GABRB1: variants seen among roughly 807,000 people sequenced by gnomAD.
The protein encoded by GABRB1 is gamma-aminobutyric acid receptor subunit beta-1.
A neutral mutation model predicts 51.6 loss-of-function variants in GABRB1; 17 were observed. That is an observed-to-expected ratio of 0.33 (90% confidence interval 0.23 to 0.49). The LOEUF (loss-of-function observed/expected upper bound fraction) is 0.49, where lower values mean the gene tolerates loss of function less well. Ranked by LOEUF, GABRB1 falls within the 20% of genes least tolerant of loss-of-function variation. The pLI is 0.99. For synonymous variants in GABRB1, 247 were observed against 218.9 expected (o/e 1.13, Z -1.14); for missense variants, 410 against 600.6 (o/e 0.68, Z 3.32).
Position 47,032,250 on chromosome 4 carries a change from C to T in GABRB1, c.173-167C>T, listed in dbSNP as rs1330512638. Among the ~76,000 whole-genome samples, 6 of 152,168 alleles carry T rather than the reference C, an allele frequency of 3.9e-5. 1 individual carries two copies. The South Asian group carries it at 6.2e-4, about 16-fold the overall frequency. ...CACCCTCTGCATAGTCACTGCATCA[C>T]GCGTGTGCCCACACCTGTTTTCCCA... On this transcript the variant is annotated intron_variant, in intron 2 of 8. Transcript: ENST00000295454.
intron 4 of GABRB1, among the ~76,000 whole-genome samples, chr4:47,239,879 A>G (rs921212898): frequency 2.6e-5 from 4 of 152,118 alleles, no homozygotes; most frequent in Non-Finnish European, 5.9e-5. Context: ...GGCCTTTCTC[A>G]CTGCTGCCAC....
At chr4:47,229,344 A>T (rs1721059449) in intron 4 of GABRB1, among the ~76,000 whole-genome samples, 1 of 152,176 alleles carries the variant, frequency 6.6e-6, no homozygotes, top group Non-Finnish European at 1.5e-5. Context: ...ACAACGAAAG[A>T]TAATATAGAG....
At chr4:47,289,938 C>T (rs539685317) in intron 4 of GABRB1, among the ~76,000 whole-genome samples, 4 of 152,162 alleles carry the variant, frequency 2.6e-5, no homozygotes, top group African/African-American at 9.6e-5. Flanking sequence ...CTAAGTTGTG[C>T]CAAGAGTAAG....
intron 4 of GABRB1, among the ~76,000 whole-genome samples, chr4:47,246,124 C>A (rs914357416): frequency 1.3e-5 from 2 of 149,486 alleles, no homozygotes; most frequent in African/African-American, 4.9e-5. Flanking sequence ...GCCTTTGCAT[C>A]CTCATAACTT....
At chr4:47,198,365 T>C (rs2109793218) in intron 4 of GABRB1, among the ~76,000 whole-genome samples, 1 of 152,162 alleles carries the variant, frequency 6.6e-6, no homozygotes, top group South Asian at 2.1e-4. Flanking sequence ...AAATGGATAA[T>C]GAATAAAGGG....
intron 3 of GABRB1, among the ~76,000 whole-genome samples, chr4:47,064,753 A>T (rs1409506704): frequency 1.3e-5 from 2 of 152,124 alleles, no homozygotes; most frequent in Non-Finnish European, 2.9e-5. Flanking sequence ...TGCTAGGATG[A>T]CAGCACCATG....
intron 3 of GABRB1, among the ~76,000 whole-genome samples, chr4:47,070,977 C>A (rs543351161): frequency 6.6e-6 from 1 of 152,170 alleles, no homozygotes; most frequent in Admixed American, 6.5e-5. Flanking sequence ...CATATCCAAA[C>A]AAAATCCTTA....
intron 3 of GABRB1, among the ~76,000 whole-genome samples, chr4:47,093,995 C>T (rs1036308923): frequency 6.6e-6 from 1 of 151,666 alleles, no homozygotes; most frequent in African/African-American, 2.4e-5. Context: ...CTTTCATTAG[C>T]CCCTAGTATT....
upstream of GABRB1, among the ~76,000 whole-genome samples, chr4:47,030,637 T>C (rs755442216): frequency 2.0e-5 from 3 of 152,176 alleles, no homozygotes; most frequent in Non-Finnish European, 4.4e-5. Flanking sequence ...CTGCCTAACA[T>C]GTGCTCAATG....
At chr4:47,152,197 T>C (rs1258917298) in intron 3 of GABRB1, among the ~76,000 whole-genome samples, 1 of 151,994 alleles carries the variant, frequency 6.6e-6, no homozygotes, top group Non-Finnish European at 1.5e-5. Flanking sequence ...TTTATAAGGA[T>C]GAACAATTTT....
At chr4:47,063,512 C>T (rs943720089) in intron 3 of GABRB1, among the ~76,000 whole-genome samples, 2 of 152,092 alleles carry the variant, frequency 1.3e-5, no homozygotes, top group African/African-American at 4.8e-5. Flanking sequence ...ATAAATATAT[C>T]CCACTACACA....
chr4:47,276,124 T>G (rs1298736807), intron 4 of GABRB1, among the ~76,000 whole-genome samples: 1 of 152,152 alleles, frequency 6.6e-6, no homozygotes, highest in Non-Finnish European at 1.5e-5. Context: ...TTCATCAAAA[T>G]GTATCACATG....
intron 4 of GABRB1, among the ~76,000 whole-genome samples, chr4:47,244,244 T>C (rs1721653071): frequency 6.6e-6 from 1 of 152,218 alleles, no homozygotes; most frequent in African/African-American, 2.4e-5. Context: ...AACTTGATCG[T>C]GGTGCATAAG....
Position 47,405,383 on chromosome 4 carries a change from C to T in GABRB1, c.836-1299C>T, listed in dbSNP as rs188024355. Among the ~76,000 whole-genome samples the T allele has an allele frequency of 7.9e-5, 12 of 152,228 alleles. No homozygotes were observed. In the East Asian group the frequency reaches 2.1e-3, roughly 27 times the overall value. ...TTTTCCCTTCATTTCATTTTGCTACCTTCCATTCCCTTTGGAAGTTCTCCT... is the reference window on the plus strand; with the variant it reads ...TTTTCCCTTCATTTCATTTTGCTACTTTCCATTCCCTTTGGAAGTTCTCCT... On this transcript the variant is annotated intron_variant, in intron 7 of 8. Coordinates refer to ENST00000295454, the MANE Select transcript of GABRB1 (RefSeq NM_000812.4).
chr4:47,094,990 A>G (rs1017528475), intron 3 of GABRB1, among the ~76,000 whole-genome samples: 1 of 152,102 alleles, frequency 6.6e-6, no homozygotes, highest in Admixed American at 6.6e-5. Flanking sequence ...AAAGAAAACA[A>G]AATGTCAGGC....
At chr4:47,223,998 A>G (rs1184356854) in intron 4 of GABRB1, among the ~76,000 whole-genome samples, 5 of 152,130 alleles carry the variant, frequency 3.3e-5, no homozygotes, top group Non-Finnish European at 7.4e-5. Context: ...TGCTCCACAA[A>G]TAAGTTATTA....
At chr4:47,407,292 T>C (rs1728609779) in intron 8 of GABRB1, among the ~76,000 whole-genome samples, 1 of 152,206 alleles carries the variant, frequency 6.6e-6, no homozygotes, top group African/African-American at 2.4e-5. Context: ...TAGACTGAAA[T>C]CAAACTGCCT....
rs145621439 is a variant in GABRB1 at position 47,015,687 on chromosome 4, G to T, written c.-19-16227G>T. ...ACAATTGCTTACCATAATTTGTAAAGATTATTAATATGTTATACAAGCAAC... is the reference window on the plus strand; with the variant it reads ...ACAATTGCTTACCATAATTTGTAAATATTATTAATATGTTATACAAGCAAC... On this transcript the variant is annotated intron_variant, in intron 1 of 3. Coordinates refer to the GABRB1 transcript ENST00000513567. Among the ~76,000 whole-genome samples, 1,211 of 152,246 alleles carry T rather than the reference G, an allele frequency of 8.0e-3. 13 individuals carry two copies. The highest frequency in any genetic ancestry group is 0.026 in the African/African-American group (1,085 of 41,542).
At chr4:47,322,020 G>T (rs1252837124) in intron 5 of GABRB1, among the ~76,000 whole-genome samples, 1 of 152,108 alleles carries the variant, frequency 6.6e-6, no homozygotes, top group Non-Finnish European at 1.5e-5. Flanking sequence ...TAAGTTTGAA[G>T]ATTTCTTTAA....
Sources: allele counts gnomAD v4.1 joint callset (sites outside exome capture counted in the v4.1 genomes callset), GRCh38; gene constraint gnomAD v4.1.1; transcripts MANE v1.5; gene names NCBI Gene and HGNC (gene_info 2026-07-23, HGNC 2026-07-21).